The following UST variants were observed in gnomAD, a reference collection of about 807,000 sequenced individuals.
The protein encoded by UST is uronyl 2-sulfotransferase.
In UST, 21 loss-of-function variants were observed where a neutral mutation model predicts 45.6. The ratio of observed to expected loss-of-function variants is 0.46; its 90% CI spans 0.33 to 0.66. UST has a LOEUF of 0.66. Ranked by LOEUF, UST falls within the 30% of genes least tolerant of loss-of-function variation. The probability of loss-of-function intolerance (pLI) is 0.02; values close to 1 mark genes in which losing one functional copy is unlikely to be tolerated. For synonymous variants in UST, 215 were observed against 200.6 expected (o/e 1.07, Z -0.61); for missense variants, 463 against 512.4 (o/e 0.90, Z 0.93).
intron 5 of UST, among the ~76,000 whole-genome samples, chr6:148,997,951 C>A (rs1397161772): frequency 6.6e-6 from 1 of 152,136 alleles, no homozygotes. Context: ...AAAAAATAAT[C>A]CACAAACATG....
chr6:149,013,045 C>T (rs574081797), intron 5 of UST, among the ~76,000 whole-genome samples: 57 of 152,166 alleles, frequency 3.7e-4, no homozygotes, highest in African/African-American at 1.3e-3. Context: ...GAACATTTGC[C>T]AAAGACTCCA....
chr6:148,950,713 A>T (rs181238619), intron 3 of UST, among the ~76,000 whole-genome samples: 3 of 152,294 alleles, frequency 2.0e-5, no homozygotes, highest in Admixed American at 1.3e-4. Context: ...CAGACTACTG[A>T]GGGAAACCTC....
chr6:148,778,859 G>T (rs886596431), intron 1 of UST, among the ~76,000 whole-genome samples: 1 of 152,102 alleles, frequency 6.6e-6, no homozygotes, highest in African/African-American at 2.4e-5. Context: ...CTCTGATGAC[G>T]ACCAAGGCCC....
At chr6:148,930,972 C>T (rs7752329) in intron 2 of UST, among the ~76,000 whole-genome samples, 10,351 of 152,244 alleles carry the variant, frequency 0.068, 592 homozygotes, top group African/African-American at 0.15. Flanking sequence ...AGCTTTTGGT[C>T]TTAAAATCTT....
chr6:148,815,074 T>C (rs747642414), intron 1 of UST, among the ~76,000 whole-genome samples: 1 of 152,190 alleles, frequency 6.6e-6, no homozygotes, highest in Non-Finnish European at 1.5e-5. Context: ...ATCCACACAA[T>C]GGAATACTAT....
chr6:149,065,122 C>T lies in UST; in HGVS notation c.938-8711C>T, dbSNP rs115014509. The stretch of plus-strand genomic sequence containing the variant: ...GGTCTTCACTTCTTCATGGTTAATC[C>T]GACAGTATGTGCTCACCTAACGAGG... On this transcript the variant is annotated intron_variant, in intron 7 of 7. Coordinates refer to ENST00000367463, the MANE Select transcript of UST (RefSeq NM_005715.3). 4.3e-3 allele frequency among the ~76,000 whole-genome samples: 661 copies of T among 152,206 alleles called. 3 individuals carry two copies. Among genetic ancestry groups the T allele is most frequent in the African/African-American group, 0.014 (577 of 41,516 alleles).
intron 7 of UST, among the ~76,000 whole-genome samples, chr6:149,029,866 T>TTG (rs3074362): frequency 0.093 from 13,094 of 140,622 alleles, 668 homozygotes; most frequent in East Asian, 0.22. Flanking sequence ...GCACTGGATC[T>TTG]TGTGTGTGTG....
chr6:149,045,983 G>A (rs1776389406), intron 7 of UST, among the ~76,000 whole-genome samples: 1 of 152,160 alleles, frequency 6.6e-6, no homozygotes. Flanking sequence ...AACCATCACA[G>A]AAGCCAGATT....
At chr6:148,930,805 G>A (rs1015226135) in intron 2 of UST, among the ~76,000 whole-genome samples, 3 of 152,202 alleles carry the variant, frequency 2.0e-5, no homozygotes, top group Non-Finnish European at 2.9e-5. Flanking sequence ...TATGGGTTAT[G>A]TTATATAAGC....
chr6:148,821,315 C>T (rs1278227566), intron 1 of UST, among the ~76,000 whole-genome samples: 1 of 151,858 alleles, frequency 6.6e-6, no homozygotes, highest in African/African-American at 2.4e-5. Flanking sequence ...GTAGAATTAC[C>T]TTGTCCCTTA....
intron 1 of UST, among the ~76,000 whole-genome samples, chr6:148,810,660 T>A (rs985830064): frequency 6.6e-6 from 1 of 152,220 alleles, no homozygotes. Flanking sequence ...TTTTTGGATG[T>A]GGGCTCAACT....
intron 2 of UST, among the ~76,000 whole-genome samples, chr6:148,899,862 A>G (rs1171189796): frequency 6.6e-6 from 1 of 152,088 alleles, no homozygotes; most frequent in Non-Finnish European, 1.5e-5. Context: ...CAAGAGAAGG[A>G]TTTAGCTCTT....
At chr6:148,798,731 G>A (rs760082067) in intron 1 of UST, among the ~76,000 whole-genome samples, 5 of 152,164 alleles carry the variant, frequency 3.3e-5, no homozygotes, top group Non-Finnish European at 7.4e-5. Context: ...CACTGCCGAA[G>A]GTGCTTAGCC....
chr6:148,853,411 G>C (rs749057373), intron 1 of UST, among the ~76,000 whole-genome samples: 1 of 152,180 alleles, frequency 6.6e-6, no homozygotes, highest in African/African-American at 2.4e-5. Context: ...GAATAGTGCT[G>C]CCATGAATAT....
chr6:148,794,433 CT>C (rs1562260120), intron 1 of UST, among the ~76,000 whole-genome samples: 1 of 152,158 alleles, frequency 6.6e-6, no homozygotes, highest in African/African-American at 2.4e-5. Context: ...AATGAAGCTG[CT>C]TTTTGAGTAA....
intron 1 of UST, among the ~76,000 whole-genome samples, chr6:148,883,388 C>A (rs142810936): frequency 6.6e-6 from 1 of 152,166 alleles, no homozygotes; most frequent in African/African-American, 2.4e-5. Flanking sequence ...TTTGAGGAAG[C>A]AATCAGGCAT....
intron 1 of UST, among the ~76,000 whole-genome samples, chr6:148,782,637 G>C (rs1309394873): frequency 1.3e-5 from 2 of 151,906 alleles, no homozygotes; most frequent in Non-Finnish European, 1.5e-5. Flanking sequence ...TTTTAGTAGA[G>C]ACAGGGTTTC....
intron 1 of UST, among the ~76,000 whole-genome samples, chr6:148,803,979 T>A (rs1315484920): frequency 1.3e-5 from 2 of 152,214 alleles, no homozygotes; most frequent in East Asian, 3.9e-4. Flanking sequence ...ATTATGCACT[T>A]CGTGCGGCCA....
At chr6:148,872,175 T>G (rs1041388713) in intron 1 of UST, among the ~76,000 whole-genome samples, 3 of 152,194 alleles carry the variant, frequency 2.0e-5, no homozygotes, top group African/African-American at 7.2e-5. Flanking sequence ...AAGACAACAC[T>G]CTTATCTGTT....
Sources: gnomAD v4.1 joint callset for allele counts (sites outside exome capture counted in the v4.1 genomes callset) on GRCh38, gnomAD v4.1.1 for gene constraint, MANE v1.5 for transcripts, NCBI Gene and HGNC (gene_info 2026-07-23, HGNC 2026-07-21) for gene names.